ANKRD44: variants seen among roughly 807,000 people sequenced by gnomAD.
ANKRD44 encodes the protein ankyrin repeat domain 44.
Under a neutral mutation model 116.0 loss-of-function variants are expected in ANKRD44, and 35 were observed. That is an observed-to-expected ratio of 0.30 (90% confidence interval 0.23 to 0.40). The LOEUF is 0.40. Among genes scored for constraint, ANKRD44 ranks in the 10% least tolerant of loss-of-function variants. ANKRD44 has a pLI of 1.00. For synonymous variants in ANKRD44, 435 were observed against 461.8 expected (o/e 0.94, Z 0.74); for missense variants, 1,014 against 1,242.6 (o/e 0.82, Z 2.77).
At chr2:197,107,972 T>A (rs1312261370) in intron 9 of ANKRD44, among the ~76,000 whole-genome samples, 1 of 152,182 alleles carries the variant, frequency 6.6e-6, no homozygotes, top group Non-Finnish European at 1.5e-5. Flanking sequence ...TGCAAAAAAA[T>A]TGTCAGTTGA....
intron 8 of ANKRD44, among the ~76,000 whole-genome samples, chr2:197,114,155 A>T (rs919865412): frequency 8.5e-5 from 13 of 152,224 alleles, no homozygotes; most frequent in Non-Finnish European, 1.8e-4. Flanking sequence ...ATGCAGGGGT[A>T]CTGGCTGTTG....
At chr2:197,190,649 T>C (rs954806742) in intron 1 of ANKRD44, among the ~76,000 whole-genome samples, 1 of 152,086 alleles carries the variant, frequency 6.6e-6, no homozygotes, top group Non-Finnish European at 1.5e-5. Flanking sequence ...TAAGAAAAAA[T>C]ATTGGGGAAA....
At chr2:197,160,615 T>C (rs1314897135) in intron 2 of ANKRD44, among the ~76,000 whole-genome samples, 1 of 152,124 alleles carries the variant, frequency 6.6e-6, no homozygotes, top group Non-Finnish European at 1.5e-5. Context: ...CTTAATCTCA[T>C]AGGACCTGCA....
intron 1 of ANKRD44, among the ~76,000 whole-genome samples, chr2:197,279,192 C>T (rs2083192291): frequency 6.6e-6 from 1 of 152,156 alleles, no homozygotes; most frequent in African/African-American, 2.4e-5. Context: ...TTAAGAGATG[C>T]TGGTGATAGA....
chr2:196,997,800 C>G (rs2076040664), intron 25 of ANKRD44, among the ~76,000 whole-genome samples: 1 of 99,526 alleles, frequency 1.0e-5, no homozygotes, highest in Admixed American at 1.3e-4. Flanking sequence ...GTGAACACAC[C>G]ACTATTTGAA....
intron 1 of ANKRD44, among the ~76,000 whole-genome samples, chr2:197,293,388 C>T (rs967605423): frequency 1.2e-4 from 19 of 152,218 alleles, no homozygotes; most frequent in African/African-American, 4.3e-4. Flanking sequence ...AAGACACACA[C>T]TAATCAAGGG....
chr2:197,201,116 G>A lies in ANKRD44; in HGVS notation c.28-14010C>T, dbSNP rs2081084158. 6.6e-6 allele frequency among the ~76,000 whole-genome samples: 1 copy of A among 152,126 alleles called. No homozygotes were observed. The highest frequency in any genetic ancestry group is 1.5e-5 in the Non-Finnish European group (1 of 68,014). ...AAAAAGGCATGGGTAATTTTTAACT[G>A]AGAGGTGGTGCCACAGAGAAGTCTA... On this transcript the variant is annotated intron_variant, in intron 1 of 27. Transcript: ENST00000282272. The surrounding 1 kb of genome is among the most constrained non-coding windows in gnomAD (Gnocchi z 4.0).
At chr2:197,268,312 G>C (rs989469480) in intron 1 of ANKRD44, among the ~76,000 whole-genome samples, 1 of 152,192 alleles carries the variant, frequency 6.6e-6, no homozygotes, top group African/African-American at 2.4e-5. Context: ...CATCTGAGAT[G>C]CACTGGGGCA....
chr2:197,025,962 G>C (rs73049638), intron 16 of ANKRD44, among the ~76,000 whole-genome samples: 6,277 of 149,582 alleles, frequency 0.042, 409 homozygotes, highest in African/African-American at 0.14. Flanking sequence ...TGACATTCTC[G>C]TAGACCCTTG....
chr2:196,984,611 A>C (rs1432337233), downstream of ANKRD44, among the ~76,000 whole-genome samples: 1 of 152,220 alleles, frequency 6.6e-6, no homozygotes, highest in Non-Finnish European at 1.5e-5. Context: ...GGAACCTTTG[A>C]CAAGCAGTTT....
intron 2 of ANKRD44, among the ~76,000 whole-genome samples, chr2:197,177,008 A>G (rs1418997116): frequency 6.6e-6 from 1 of 152,164 alleles, no homozygotes; most frequent in African/African-American, 2.4e-5. Context: ...AACATTTGAA[A>G]CCTAAAGCAA....
intron 1 of ANKRD44, among the ~76,000 whole-genome samples, chr2:197,195,392 A>T (rs1010188638): frequency 6.6e-6 from 1 of 152,132 alleles, no homozygotes; most frequent in Non-Finnish European, 1.5e-5. Context: ...GGAGAAGGAG[A>T]GATTGGAGTT....
chr2:197,269,963 G>A (rs569955849), intron 1 of ANKRD44, among the ~76,000 whole-genome samples: 1 of 152,290 alleles, frequency 6.6e-6, no homozygotes, highest in South Asian at 2.1e-4. Context: ...GTGGCTACCT[G>A]CAATTCTGGA....
intron 2 of ANKRD44, among the ~76,000 whole-genome samples, chr2:197,186,530 T>C (rs1006606731): frequency 2.7e-5 from 4 of 149,896 alleles, no homozygotes; most frequent in African/African-American, 9.8e-5. Context: ...AGTGGCGTGA[T>C]CAAAGTTCAC....
At chr2:197,056,523 T>C (rs1019367485) in intron 16 of ANKRD44, among the ~76,000 whole-genome samples, 1 of 152,186 alleles carries the variant, frequency 6.6e-6, no homozygotes, top group Non-Finnish European at 1.5e-5. Context: ...CTATTTGATG[T>C]TGCTGGGATG....
intron 1 of ANKRD44, among the ~76,000 whole-genome samples, chr2:197,272,756 GA>G (rs2082937284): frequency 6.6e-6 from 1 of 152,072 alleles, no homozygotes; most frequent in Admixed American, 6.5e-5. Context: ...TATGAACCAG[GA>G]ATTGGACCCT....
At chr2:197,200,366 G>A (rs1205359448) in intron 1 of ANKRD44, among the ~76,000 whole-genome samples, 2 of 152,148 alleles carry the variant, frequency 1.3e-5, no homozygotes, top group Non-Finnish European at 2.9e-5. Flanking sequence ...GGAAAAAAAT[G>A]TATTTTGGAA....
intron 1 of ANKRD44, among the ~76,000 whole-genome samples, chr2:197,291,104 G>A (rs2083557498): frequency 6.6e-6 from 1 of 152,156 alleles, no homozygotes; most frequent in East Asian, 1.9e-4. Context: ...AGCTACTTAG[G>A]AGGCTGATGT....
chr2:197,184,406 C>G (rs1025067540), intron 2 of ANKRD44, among the ~76,000 whole-genome samples: 1 of 152,094 alleles, frequency 6.6e-6, no homozygotes, highest in African/African-American at 2.4e-5. Context: ...CTTTGGGAGG[C>G]CGAGGCAGGC....
Sources: gnomAD v4.1 joint callset for allele counts (sites outside exome capture counted in the v4.1 genomes callset) on GRCh38, gnomAD v4.1.1 for gene constraint, Gnocchi (gnomAD v3.1) non-coding constraint, MANE v1.5 for transcripts, NCBI Gene and HGNC (gene_info 2026-07-23, HGNC 2026-07-21) for gene names.